PRAM1: variants seen among roughly 807,000 people sequenced by gnomAD.
The protein encoded by PRAM1 is PML-RARA regulated adaptor molecule 1, also known as PML-RARA-regulated adapter molecule 1.
In PRAM1, 41 loss-of-function variants were observed where a neutral mutation model predicts 55.3. The observed-to-expected ratio is 0.74, with a 90% confidence interval of 0.58 to 0.96. The LOEUF (loss-of-function observed/expected upper bound fraction) is 0.96. Among genes scored for constraint, PRAM1 ranks in the 40% least tolerant of loss-of-function variants. The pLI is 0.00. For synonymous variants in PRAM1, 401 were observed against 387.1 expected, an observed-to-expected ratio of 1.04 and a Z score of -0.42; for missense variants, 898 against 892.7, an observed-to-expected ratio of 1.01 and a Z score of -0.08.
chr19:8,501,140 C>T (rs1315267387), intron 1 of PRAM1, among the ~76,000 whole-genome samples: 2 of 150,662 alleles, frequency 1.3e-5, no homozygotes, highest in Non-Finnish European at 3.0e-5. Flanking sequence ...ACTCTGTCAC[C>T]CAGGTTGGAA....
In PRAM1 at chr19:8,490,447, C is replaced by T. The variant is rs763562388; in HGVS notation, c.1940+29G>A. 24 of 1,613,192 alleles carry T rather than the reference C, an allele frequency of 1.5e-5. No homozygotes were observed. Among genetic ancestry groups the T allele is most frequent in the Non-Finnish European group, 2.0e-5 (24 of 1,179,620 alleles). ...CACCCTGCACCACACACCCCGCACTCCCCCACCACGGTCAGGGCTGGCACT... is the reference window on the plus strand; with the variant it reads ...CACCCTGCACCACACACCCCGCACTTCCCCACCACGGTCAGGGCTGGCACT... On this transcript the variant is annotated intron_variant, in intron 8 of 9. Transcript: ENST00000423345. The surrounding 1 kb of genome is among the most constrained non-coding windows in gnomAD (Gnocchi z 7.3).
chr19:8,494,763 C>G (rs1224858563), intron 4 of PRAM1, among the ~76,000 whole-genome samples: 1 of 151,456 alleles, frequency 6.6e-6, no homozygotes, highest in Admixed American at 6.6e-5. Context: ...TCCCAAGTAG[C>G]TGGGATTACA....
chr19:8,502,254 C>T (rs1254914165), intron 1 of PRAM1, among the ~76,000 whole-genome samples: 23 of 152,094 alleles, frequency 1.5e-4, no homozygotes, highest in Admixed American at 1.5e-3. Flanking sequence ...GCTCTCACCC[C>T]AGCAGCCCGT....
At chr19:8,501,679 C>G (rs1431687085) in intron 1 of PRAM1, among the ~76,000 whole-genome samples, 1 of 152,066 alleles carries the variant, frequency 6.6e-6, no homozygotes, top group Non-Finnish European at 1.5e-5. Context: ...ACAAAGACAG[C>G]CATGTACTCA....
chr19:8,496,763 C>T (rs544552544), intron 4 of PRAM1, among the ~76,000 whole-genome samples: 9 of 151,962 alleles, frequency 5.9e-5, no homozygotes, highest in African/African-American at 1.4e-4. Context: ...AAGGGTCAGG[C>T]GTGGTGGCTC....
chr19:8,499,903 C>T, intron 1 of PRAM1, 123 bp from the exon 2 acceptor site: 1 of 795,196 alleles, frequency 1.3e-6, no homozygotes, highest in Non-Finnish European at 1.9e-6. Context: ...CCGGTCAGCC[C>T]TCAGCTCTTT....
At position 8,499,210 on chromosome 19, in the gene PRAM1, C is replaced by T; in HGVS notation, c.598G>A (p.Ala200Thr). The T allele has an allele frequency of 6.2e-7, 1 of 1,612,970 alleles. No homozygotes were observed. The change falls in exon 2 of 10, where the codon GCT becomes ACT. Residue 200 changes from alanine (A) to threonine (T), a missense_variant. Physicochemically the swap from Ala to Thr is moderately conservative, Grantham distance 58 (BLOSUM62 0). Coordinates refer to ENST00000423345, the MANE Select transcript of PRAM1 (RefSeq NM_032152.5). ...RKLWQPEAGE[A>T]TPRSPQPELS... is the part of the protein sequence containing the mutation. ...TCAGGCTGCGGGGACCTCGGGGTAG[C>T]CTCACCGGCCTCGGGTTGCCAGAGC...
At chr19:8,492,690 A>G (rs1971646575) in intron 4 of PRAM1, among the ~76,000 whole-genome samples, 1 of 151,870 alleles carries the variant, frequency 6.6e-6, no homozygotes, top group African/African-American at 2.4e-5. Flanking sequence ...CAGGAGGGCA[A>G]TGATAGTTGA....
rs776696954 is a variant in PRAM1, at chr19:8,490,773, T to C, written c.1744-17A>G. On this transcript the variant is annotated splice_polypyrimidine_tract_variant and intron_variant, in intron 6 of 9. Coordinates refer to ENST00000423345, the MANE Select transcript of PRAM1 (RefSeq NM_032152.5). The surrounding 1 kb of genome is among the most constrained non-coding windows in gnomAD (Gnocchi z 7.3). ...CCCTTCAAACTGGGGCGCGAGATGTTAGGGCCTCTGCTTGTGCTGCCGCCC... is the reference window on the plus strand; with the variant it reads ...CCCTTCAAACTGGGGCGCGAGATGTCAGGGCCTCTGCTTGTGCTGCCGCCC... 6.2e-7 allele frequency: 1 copy of C among 1,607,666 alleles called. No individual in the cohort carries two copies. The highest frequency in any genetic ancestry group is 1.7e-5 in the Admixed American group (1 of 60,002).
In PRAM1 at chr19:8,498,443, G is replaced by A. The variant is rs756779490; in HGVS notation, c.1365C>T (p.Ala455=). Residue 455 remains alanine (A), a synonymous_variant, in exon 2 of 10, where the codon GCC becomes GCT. Transcript: ENST00000423345. ...PPASSLGHPP[A]KPPLPPGPVD... is the part of the protein sequence containing the mutation. ...CGGGCCCCGGGGGCAGCGGGGGCTT[G>A]GCTGGAGGGTGTCCCAGGCTGCTGG... is the stretch of plus-strand genomic sequence containing the variant. The A allele has an allele frequency of 1.3e-6, 2 of 1,580,828 alleles. No individual in the cohort carries two copies. The highest frequency in any genetic ancestry group is 1.7e-6 in the Non-Finnish European group (2 of 1,163,088).
intron 4 of PRAM1, among the ~76,000 whole-genome samples, chr19:8,494,817 G>C (rs1406887650): frequency 6.6e-6 from 1 of 151,822 alleles, no homozygotes; most frequent in Non-Finnish European, 1.5e-5. Context: ...ATTTTTAGTA[G>C]AGACAGGTTT....
chr19:8,496,689 C>T (rs546965767), intron 4 of PRAM1, among the ~76,000 whole-genome samples: 13 of 152,054 alleles, frequency 8.5e-5, no homozygotes, highest in Non-Finnish European at 1.6e-4. Context: ...CACGGCACTG[C>T]ACTCCAGTCT....
chr19:8,493,553 CT>C lies in PRAM1; in HGVS notation c.1577-2397del, dbSNP rs1210308789. 6.6e-6 allele frequency among the ~76,000 whole-genome samples: 1 copy of C among 151,016 alleles called. No individual in the cohort carries two copies. The highest frequency in any genetic ancestry group is 2.5e-5 in the African/African-American group (1 of 40,282). ...TGACCCAGAGCAGGCCTCTGCCCGCCTTCCCCGCATGGCCAGCTCAGATCCC... is the reference window on the plus strand; with the variant it reads ...TGACCCAGAGCAGGCCTCTGCCCGCCTCCCCGCATGGCCAGCTCAGATCCC... On this transcript the variant is annotated intron_variant, in intron 4 of 9. Coordinates refer to ENST00000423345, the MANE Select transcript of PRAM1 (RefSeq NM_032152.5). This position sits in a 1 kb window ranked among gnomAD's most constrained non-coding sequence, Gnocchi z 4.1.
chr19:8,502,354 G>A (rs2967599), intron 1 of PRAM1, among the ~76,000 whole-genome samples: 1 of 151,860 alleles, frequency 6.6e-6, no homozygotes, highest in Non-Finnish European at 1.5e-5. Flanking sequence ...CAACCTGAGC[G>A]TGAACCCCCA....
rs1319450365 is a variant in PRAM1, at chr19:8,502,606, C to T, written c.-15G>A. 1.3e-6 allele frequency: 2 copies of T among 1,550,360 alleles called. No homozygotes were observed. The highest frequency in any genetic ancestry group is 1.7e-6 in the Non-Finnish European group (2 of 1,148,414). ...TGATGGGCCATGGGATGAGTGGGAC[C>T]CGAGCTGGGGCCGCTGCCTTCAGGA... On this transcript the variant is annotated 5_prime_UTR_variant, in exon 1 of 10. Coordinates refer to ENST00000423345, the MANE Select transcript of PRAM1 (RefSeq NM_032152.5).
At chr19:8,501,507 A>C (rs1302475413) in intron 1 of PRAM1, among the ~76,000 whole-genome samples, 1 of 102,858 alleles carries the variant, frequency 9.7e-6, no homozygotes. Context: ...ATGTGTCTTG[A>C]TTTTTTTTTT....
At chr19:8,497,706 G>T in intron 4 of PRAM1, 58 bp downstream of exon 4, 1 of 1,415,558 alleles carries the variant, frequency 7.1e-7, no homozygotes, top group Non-Finnish European at 9.8e-7. Context: ...CAGGAGCATG[G>T]CAGAAAATGG....
In PRAM1 at chr19:8,490,568, G is replaced by T; in HGVS notation, c.1906+26C>A. 6.3e-7 allele frequency: 1 copy of T among 1,593,280 alleles called. No homozygotes were observed. The highest frequency in any genetic ancestry group is 8.5e-7 in the Non-Finnish European group (1 of 1,170,314). The stretch of plus-strand genomic sequence containing the variant: ...CCCAGGGTGGCGGCGGGGACCTCCC[G>T]GGGCTGCGGGGCCGGGCGCACTCAC... On this transcript the variant is annotated intron_variant, in intron 7 of 9. Transcript: ENST00000423345. The surrounding 1 kb of genome is among the most constrained non-coding windows in gnomAD (Gnocchi z 7.3).
chr19:8,491,372 T>C, intron 4 of PRAM1: 1 of 607,688 alleles, frequency 1.6e-6, no homozygotes, highest in South Asian at 2.0e-5. Flanking sequence ...TAGCTGGGAT[T>C]ACAGGTGTCC....
Sources: gnomAD v4.1 joint callset for allele counts (sites outside exome capture counted in the v4.1 genomes callset) on GRCh38, gnomAD v4.1.1 for gene constraint, Gnocchi (gnomAD v3.1) non-coding constraint, MANE v1.5 for transcripts, NCBI Gene and HGNC (gene_info 2026-07-23, HGNC 2026-07-21) for gene names.